Variants in SLC39A10 observed in about 807,000 individuals in gnomAD.
SLC39A10 encodes solute carrier family 39 member 10, also known as zinc transporter ZIP10.
Under a neutral mutation model 65.1 loss-of-function variants are expected in SLC39A10, and 13 were observed. That is an observed-to-expected ratio of 0.20 (90% CI 0.13 to 0.32). The LOEUF (loss-of-function observed/expected upper bound fraction) is 0.32, where lower values mean the gene tolerates loss of function less well. SLC39A10 is among the 10% of genes least tolerant of loss of function. The probability of loss-of-function intolerance (pLI) is 1.00; values close to 1 mark genes in which losing one functional copy is unlikely to be tolerated. For missense variants in SLC39A10, 831 were observed against 1,018.4 expected (o/e 0.82, Z 2.50); for synonymous variants, 321 against 342.2 (o/e 0.94, Z 0.68).
At chr2:195,731,923 A>G (rs973716188) in intron 9 of SLC39A10, among the ~76,000 whole-genome samples, 5 of 152,216 alleles carry the variant, frequency 3.3e-5, no homozygotes, top group Non-Finnish European at 5.9e-5. Context: ...AAACAAGCAA[A>G]CAAAAATAAA....
chr2:195,633,393 G>A (rs573638885), intron 2 of SLC39A10, among the ~76,000 whole-genome samples: 1 of 152,360 alleles, frequency 6.6e-6, no homozygotes, highest in East Asian at 1.9e-4. Context: ...CAGCGTCTAA[G>A]AGGGAATACC....
chr2:195,694,426 T>G (rs1167750772), intron 3 of SLC39A10, among the ~76,000 whole-genome samples: 1 of 151,632 alleles, frequency 6.6e-6, no homozygotes, highest in African/African-American at 2.4e-5. Context: ...GGTCTGCTGT[T>G]TAGATTATTT....
chr2:195,711,315 C>G (rs1436591694), intron 5 of SLC39A10, among the ~76,000 whole-genome samples: 1 of 152,122 alleles, frequency 6.6e-6, no homozygotes, highest in Non-Finnish European at 1.5e-5. Flanking sequence ...TCATTTTGAA[C>G]CTAAGCTTAC....
intron 2 of SLC39A10, among the ~76,000 whole-genome samples, chr2:195,649,967 A>C (rs1247967383): frequency 6.6e-6 from 1 of 152,206 alleles, no homozygotes; most frequent in Non-Finnish European, 1.5e-5. Context: ...TTTTCTTAGA[A>C]CTTCCTCTTT....
chr2:195,646,936 G>A (rs975678529), intron 2 of SLC39A10, among the ~76,000 whole-genome samples: 49 of 152,100 alleles, frequency 3.2e-4, no homozygotes, highest in African/African-American at 1.1e-3. Context: ...GGTCCCTGGC[G>A]CCAAAAAGGT....
Position 195,728,541 on chromosome 2 carries a change from C to G in SLC39A10, c.2337+192C>G, listed in dbSNP as rs573640563. On this transcript the variant is annotated intron_variant, in intron 9 of 9. Transcript: ENST00000359634. The surrounding 1 kb of genome is among the most constrained non-coding windows in gnomAD (Gnocchi z 4.4). ...AAACCAGTTGAGTTGCTGAAAATGT[C>G]TGTCCATCATGTTACTATTTAAATA... Among the ~76,000 whole-genome samples, 1 of 152,146 alleles carries G rather than the reference C, an allele frequency of 6.6e-6. No individual in the cohort carries two copies. The highest frequency in any genetic ancestry group is 2.1e-4 in the South Asian group (1 of 4,822).
chr2:195,688,985 T>C (rs1292061001), intron 3 of SLC39A10, among the ~76,000 whole-genome samples: 1 of 152,246 alleles, frequency 6.6e-6, no homozygotes, highest in Non-Finnish European at 1.5e-5. Flanking sequence ...AATTGTACTT[T>C]ATATTTTTAT....
intron 2 of SLC39A10, among the ~76,000 whole-genome samples, chr2:195,641,685 C>CTTTTTTTT (rs757617526): frequency 7.8e-6 from 1 of 128,118 alleles, no homozygotes. Flanking sequence ...TAGTATAGTT[C>CTTTTTTTT]TTTTTTTTTT....
At chr2:195,689,817 C>T (rs545080689) in intron 3 of SLC39A10, among the ~76,000 whole-genome samples, 1 of 152,154 alleles carries the variant, frequency 6.6e-6, no homozygotes, top group East Asian at 1.9e-4. Flanking sequence ...CATTATTTGC[C>T]TTTTTGTGAC....
intron 9 of SLC39A10, among the ~76,000 whole-genome samples, chr2:195,734,177 A>AAG (rs1323805088): frequency 6.6e-6 from 1 of 150,874 alleles, no homozygotes; most frequent in Non-Finnish European, 1.5e-5. Context: ...AAAAAAAAAA[A>AAG]AAAGTTTTTT....
At chr2:195,668,684 GGTTTTT>G (rs1273401670) in intron 1 of SLC39A10, among the ~76,000 whole-genome samples, 3 of 152,144 alleles carry the variant, frequency 2.0e-5, no homozygotes, top group African/African-American at 7.2e-5. Context: ...AGTAAAAAGA[GGTTTTT>G]GTTGTTGTTG....
intron 1 of SLC39A10, chr2:195,671,770 A>AC (rs1201537252): frequency 1.3e-5 from 2 of 152,086 alleles, no homozygotes; most frequent in Admixed American, 6.6e-5. Context: ...CATGTGACTA[A>AC]CCCCTTGCCA....
In SLC39A10 at chr2:195,683,905, A is replaced by G. The variant is rs1248322958; in HGVS notation, c.1215A>G (p.Ser405=). 2.5e-6 allele frequency: 4 copies of G among 1,605,742 alleles called. No homozygotes were observed. In the East Asian group the frequency reaches 8.9e-5, roughly 36 times the overall value. The part of the protein sequence containing the change: ...VPEDEANIGA[S]AWICGIISIT... The stretch of plus-strand genomic sequence containing the variant: ...AAGATGAGGCAAATATAGGGGCATC[A>G]GGTAAGAGAGATTTTAAGTTTTTTC... Residue 405 remains serine (S), a splice_region_variant and synonymous_variant, in exon 3 of 10, where the codon TCA becomes TCG. Transcript: ENST00000359634.
At chr2:195,725,240 A>C (rs1692192875) in intron 8 of SLC39A10, among the ~76,000 whole-genome samples, 1 of 152,156 alleles carries the variant, frequency 6.6e-6, no homozygotes, top group Non-Finnish European at 1.5e-5. Context: ...TAGATACAGC[A>C]CTAAGCATAC....
chr2:195,680,638 A>G lies in SLC39A10; in HGVS notation c.596A>G (p.Asp199Gly). The G allele has an allele frequency of 2.5e-6, 4 of 1,614,196 alleles. No homozygotes were observed. The highest frequency in any genetic ancestry group is 3.4e-6 in the Non-Finnish European group (4 of 1,180,034). Residue 199 changes from aspartate to glycine, a missense_variant, in exon 2 of 10, where the codon GAT becomes GGT. By Grantham distance (94) the Asp-to-Gly change is moderately conservative. Transcript: ENST00000359634. ...AACAACACTCACCATTTTCATAATG[A>G]TTCCATTACTCCCAGTGAGCGTGGG... ...DHNNTHHFHN[D>G]SITPSERGEP... is the part of the protein sequence containing the mutation.
At position 195,714,223 on chromosome 2, in the gene SLC39A10, G is replaced by A. The variant is rs544108580; in HGVS notation, c.1696+670G>A. 3.9e-4 allele frequency among the ~76,000 whole-genome samples: 59 copies of A among 152,190 alleles called. 1 individual carries two copies. The South Asian group carries it at 0.01, about 26-fold the overall frequency. On this transcript the variant is annotated intron_variant, in intron 6 of 9. Coordinates refer to ENST00000359634, the MANE Select transcript of SLC39A10 (RefSeq NM_020342.3). The stretch of plus-strand genomic sequence containing the variant: ...TGGGATTACAGGAGTGAGCCACCGC[G>A]CCCGGCCGACAAATACTTTTATGAT...
intron 1 of SLC39A10, among the ~76,000 whole-genome samples, chr2:195,669,351 G>C (rs1044732326): frequency 2.6e-5 from 4 of 152,108 alleles, no homozygotes; most frequent in African/African-American, 9.7e-5. Flanking sequence ...TGCTACTGTA[G>C]TAGACTAAAG....
upstream of SLC39A10, among the ~76,000 whole-genome samples, chr2:195,653,251 C>A (rs1380773056): frequency 1.3e-5 from 2 of 151,406 alleles, no homozygotes; most frequent in African/African-American, 4.9e-5. Flanking sequence ...TTTCATCAGT[C>A]TTAAGGTCTG....
intron 2 of SLC39A10, among the ~76,000 whole-genome samples, chr2:195,620,727 A>G (rs1351262129): frequency 6.6e-6 from 1 of 152,202 alleles, no homozygotes; most frequent in African/African-American, 2.4e-5. Context: ...TTGAATAACT[A>G]TTTATAAACA....
Sources: allele counts gnomAD v4.1 joint callset (sites outside exome capture counted in the v4.1 genomes callset), GRCh38; gene constraint gnomAD v4.1.1; non-coding constraint Gnocchi (gnomAD v3.1); transcripts MANE v1.5; gene names NCBI Gene and HGNC (gene_info 2026-07-23, HGNC 2026-07-21).